Variants in CSNK1G1 observed in about 807,000 individuals in gnomAD.
CSNK1G1 encodes casein kinase 1 gamma 1, also known as casein kinase I isoform gamma-1.
Under a neutral mutation model 59.6 loss-of-function variants are expected in CSNK1G1, and 22 were observed. The ratio of observed to expected loss-of-function variants is 0.37; its 90% CI spans 0.26 to 0.53. CSNK1G1 has a LOEUF of 0.53. Among genes scored for constraint, CSNK1G1 ranks in the 20% least tolerant of loss-of-function variants. The pLI, the probability that CSNK1G1 is intolerant of heterozygous loss-of-function variation, is 0.89. For synonymous variants in CSNK1G1, 179 were observed against 177.1 expected (o/e 1.01, Z -0.08); for missense variants, 384 against 519.5 (o/e 0.74, Z 2.54).
intron 1 of CSNK1G1, among the ~76,000 whole-genome samples, chr15:64,333,762 C>T (rs889934023): frequency 6.6e-5 from 10 of 152,086 alleles, no homozygotes; most frequent in Non-Finnish European, 1.0e-4. Flanking sequence ...GCTGTTCTTA[C>T]ATCAGATAAA....
intron 4 of CSNK1G1, among the ~76,000 whole-genome samples, chr15:64,245,389 C>G (rs1390561237): frequency 6.6e-6 from 1 of 152,032 alleles, no homozygotes; most frequent in Non-Finnish European, 1.5e-5. Flanking sequence ...GATATATATG[C>G]AATTCAAACA....
intron 4 of CSNK1G1, among the ~76,000 whole-genome samples, chr15:64,229,859 CA>C (rs568587287): frequency 6.3e-5 from 6 of 94,612 alleles, no homozygotes; most frequent in East Asian, 3.6e-4. Flanking sequence ...TGCAATACTA[CA>C]AAAAAAAATC....
chr15:64,304,968 G>A (rs1487352284), intron 1 of CSNK1G1, among the ~76,000 whole-genome samples: 2 of 152,038 alleles, frequency 1.3e-5, no homozygotes, highest in Non-Finnish European at 2.9e-5. Flanking sequence ...CTGTTTCTTG[G>A]TCACAAGTTT....
intron 4 of CSNK1G1, among the ~76,000 whole-genome samples, chr15:64,237,220 C>T (rs2082628457): frequency 6.6e-6 from 1 of 152,062 alleles, no homozygotes; most frequent in Non-Finnish European, 1.5e-5. Context: ...CCTGACTTGA[C>T]CACTATGCAA....
At chr15:64,270,692 G>A (rs560953522) in intron 2 of CSNK1G1, among the ~76,000 whole-genome samples, 5 of 151,706 alleles carry the variant, frequency 3.3e-5, no homozygotes, top group South Asian at 4.2e-4. Context: ...CCCAGGAGGC[G>A]GAGCTTGCAG....
At chr15:64,303,057 A>T (rs1895450581) in intron 1 of CSNK1G1, among the ~76,000 whole-genome samples, 1 of 151,984 alleles carries the variant, frequency 6.6e-6, no homozygotes. Flanking sequence ...AACACACAGT[A>T]TTTGTCAGGT....
At chr15:64,208,087 T>A (rs2140255007) in intron 6 of CSNK1G1, among the ~76,000 whole-genome samples, 1 of 152,328 alleles carries the variant, frequency 6.6e-6, no homozygotes, top group East Asian at 1.9e-4. Flanking sequence ...ATCATAAAAA[T>A]TAACACTTAA....
chr15:64,263,175 AGTGTGCAACC>A (rs1187473112), intron 2 of CSNK1G1, among the ~76,000 whole-genome samples: 1 of 150,564 alleles, frequency 6.6e-6, no homozygotes, highest in Admixed American at 6.6e-5. Context: ...CTCATCATTC[AGTGTGCAACC>A]TTTTTCTTTT....
chr15:64,350,780 T>C (rs1898243355), intron 1 of CSNK1G1, among the ~76,000 whole-genome samples: 1 of 152,224 alleles, frequency 6.6e-6, no homozygotes, highest in Non-Finnish European at 1.5e-5. Flanking sequence ...CTGAAACAGA[T>C]GGCATCTAAA....
At chr15:64,237,911 C>T (rs374169829) in intron 4 of CSNK1G1, among the ~76,000 whole-genome samples, 2 of 152,128 alleles carry the variant, frequency 1.3e-5, no homozygotes, top group African/African-American at 4.8e-5. Context: ...TTATTCACAC[C>T]ACAAAGGTTT....
intron 2 of CSNK1G1, among the ~76,000 whole-genome samples, chr15:64,293,897 G>A (rs748227825): frequency 1.3e-5 from 2 of 152,128 alleles, no homozygotes; most frequent in Non-Finnish European, 2.9e-5. Flanking sequence ...CATGAAATGG[G>A]TCCCTGGTGC....
In CSNK1G1 at chr15:64,169,743, C is replaced by T. The variant is rs1298631938; in HGVS notation, c.*2188G>A. 3.3e-5 allele frequency: 5 copies of T among 152,144 alleles called. No homozygotes were observed. Among genetic ancestry groups the T allele is most frequent in the Non-Finnish European group, 7.4e-5 (5 of 68,024 alleles). The allele number at this position is 152,144 out of a possible 1,614,324, so 9.4% of individuals were successfully genotyped here. ...GGAAGGGGTGTGATATTGTATCTCC[C>T]TGCCACTTTATGTTTCATATATAGA... is the stretch of plus-strand genomic sequence containing the variant. On this transcript the variant is annotated 3_prime_UTR_variant, in exon 12 of 12. Transcript: ENST00000303052.
At chr15:64,238,516 AAAAT>A (rs1566914294) in intron 4 of CSNK1G1, among the ~76,000 whole-genome samples, 1 of 89,976 alleles carries the variant, frequency 1.1e-5, no homozygotes, top group Admixed American at 1.2e-4. Flanking sequence ...AAAAAAAAAA[AAAAT>A]ATATATATAT....
intron 4 of CSNK1G1, among the ~76,000 whole-genome samples, chr15:64,222,529 T>G (rs565378682): frequency 6.6e-6 from 1 of 151,880 alleles, no homozygotes; most frequent in East Asian, 1.9e-4. Context: ...TCTAGCTACC[T>G]TCTGGGTTCC....
chr15:64,174,942 G>A (rs1057414809), intron 11 of CSNK1G1, among the ~76,000 whole-genome samples: 2 of 151,922 alleles, frequency 1.3e-5, no homozygotes, highest in African/African-American at 2.4e-5. Flanking sequence ...ATCCTTTCAT[G>A]TGTATGTCTG....
chr15:64,244,189 G>T (rs1891629766), intron 4 of CSNK1G1, among the ~76,000 whole-genome samples: 1 of 151,504 alleles, frequency 6.6e-6, no homozygotes, highest in South Asian at 2.1e-4. Flanking sequence ...AATAAAATAA[G>T]AAATAAATAA....
intron 4 of CSNK1G1, among the ~76,000 whole-genome samples, chr15:64,247,236 A>C (rs952019846): frequency 6.6e-6 from 1 of 152,192 alleles, no homozygotes; most frequent in African/African-American, 2.4e-5. Context: ...TGAAACCTAA[A>C]ATCATTCCCA....
intron 2 of CSNK1G1, among the ~76,000 whole-genome samples, chr15:64,296,254 A>G (rs1452158102): frequency 6.6e-6 from 1 of 152,070 alleles, no homozygotes; most frequent in Non-Finnish European, 1.5e-5. Context: ...CCAAGTAGCT[A>G]GGACTACAGG....
At chr15:64,225,983 G>C (rs1420677703) in intron 4 of CSNK1G1, among the ~76,000 whole-genome samples, 1 of 152,122 alleles carries the variant, frequency 6.6e-6, no homozygotes, top group African/African-American at 2.4e-5. Flanking sequence ...CAGGGCTCTT[G>C]AGCCACCCGC....
Sources: allele counts gnomAD v4.1 joint callset (sites outside exome capture counted in the v4.1 genomes callset), GRCh38; gene constraint gnomAD v4.1.1; transcripts MANE v1.5; gene names NCBI Gene and HGNC (gene_info 2026-07-23, HGNC 2026-07-21).